Variants in VPS26B observed in about 807,000 individuals in gnomAD.
VPS26B encodes vacuolar protein sorting-associated protein 26B.
VPS26B carries 10 observed loss-of-function variants against 33.3 expected under a neutral mutation model. That is an observed-to-expected ratio of 0.30 (90% confidence interval 0.19 to 0.51). The LOEUF is 0.51. VPS26B is among the 20% of genes least tolerant of loss of function. The probability of loss-of-function intolerance (pLI) is 0.98; values close to 1 mark genes in which losing one functional copy is unlikely to be tolerated. For synonymous variants in VPS26B, 190 were observed against 176.9 expected, an observed-to-expected ratio of 1.07 and a Z score of -0.59; for missense variants, 317 against 452.7, an observed-to-expected ratio of 0.70 and a Z score of 2.72.
chr11:134,233,644 G>A (rs1404261931), intron 1 of VPS26B, among the ~76,000 whole-genome samples: 1 of 152,200 alleles, frequency 6.6e-6, no homozygotes, highest in Non-Finnish European at 1.5e-5. Context: ...AGAATTGCTT[G>A]AACCCAGGAG....
intron 1 of VPS26B, among the ~76,000 whole-genome samples, chr11:134,233,836 G>A (rs890031141): frequency 2.0e-5 from 3 of 152,188 alleles, no homozygotes; most frequent in African/African-American, 7.2e-5. Context: ...GTGGGAGCGG[G>A]GGAGACCAGG....
At position 134,245,335 on chromosome 11, in the gene VPS26B, A is replaced by G; in HGVS notation, c.865-109A>G. The G allele has an allele frequency of 1.3e-6, 2 of 1,497,042 alleles. No homozygotes were observed. Among genetic ancestry groups the G allele is most frequent in the Non-Finnish European group, 1.8e-6 (2 of 1,100,502 alleles). 92.7% of individuals were successfully genotyped at this position (1,497,042 alleles called of 1,614,324 possible). A position where few individuals can be genotyped will look rare whatever the true frequency, so the allele number is the denominator to read the frequency against. ...CTGCTGCCTTTGGTGAGAGAGAAGCAGAGGAGGTCCTTGCCCGAGATTCCC... is the reference window on the plus strand; with the variant it reads ...CTGCTGCCTTTGGTGAGAGAGAAGCGGAGGAGGTCCTTGCCCGAGATTCCC... On this transcript the variant is annotated intron_variant, in intron 5 of 5. Coordinates refer to ENST00000281187, the MANE Select transcript of VPS26B (RefSeq NM_052875.5). This position sits in a 1 kb window ranked among gnomAD's most constrained non-coding sequence, Gnocchi z 4.7.
chr11:134,245,151 T>G lies in VPS26B; in HGVS notation c.864+71T>G. 1 of 1,563,058 alleles carries G rather than the reference T, an allele frequency of 6.4e-7. No homozygotes were observed. Among genetic ancestry groups the G allele is most frequent in the Non-Finnish European group, 8.6e-7 (1 of 1,158,744 alleles). ...AGGAGGCTCTCTTTCCTATGGAAGG[T>G]CAGACTCCATTTTTGCCAAGAGGTG... On this transcript the variant is annotated intron_variant, in intron 5 of 5. Transcript: ENST00000281187. This position sits in a 1 kb window ranked among gnomAD's most constrained non-coding sequence, Gnocchi z 4.7.
At position 134,245,781 on chromosome 11, in the gene VPS26B, C is replaced by T; in HGVS notation, c.*191C>T. The T allele has an allele frequency of 2.7e-6, 2 of 744,348 alleles. No homozygotes were observed. The highest frequency in any genetic ancestry group is 4.2e-6 in the Non-Finnish European group (2 of 475,300). 46.1% of individuals were successfully genotyped at this position (744,348 alleles called of 1,614,324 possible). ...GGGCTTGGGGTGGGAAGCAGTCTCT[C>T]CTTGGGATTCTGCGGCCGATGTGGG... On this transcript the variant is annotated 3_prime_UTR_variant, in exon 6 of 6. Transcript: ENST00000281187. This position sits in a 1 kb window ranked among gnomAD's most constrained non-coding sequence, Gnocchi z 4.7.
At chr11:134,237,595 AAGGG>A (rs1241604110) in intron 2 of VPS26B, among the ~76,000 whole-genome samples, 1 of 152,164 alleles carries the variant, frequency 6.6e-6, no homozygotes, top group Non-Finnish European at 1.5e-5. Flanking sequence ...TTTTTGAAGA[AAGGG>A]AGCACAAGGA....
chr11:134,238,018 T>G (rs1457571105), intron 2 of VPS26B, among the ~76,000 whole-genome samples: 1 of 152,138 alleles, frequency 6.6e-6, no homozygotes, highest in Admixed American at 6.5e-5. Flanking sequence ...AGAGGGAGAT[T>G]GATGATCTTG....
rs575766371 is a variant in VPS26B at position 134,245,530 on chromosome 11, C to T, written c.951C>T (p.Thr317=). ...AAIASQRFEG[T]TSLGEVRTPS... Reference sequence around the variant, plus strand: ...TCGCCTCACAGCGCTTTGAGGGCACCACCTCCCTGGGTGAGGTGCGGACCC... The same window carrying T: ...TCGCCTCACAGCGCTTTGAGGGCACTACCTCCCTGGGTGAGGTGCGGACCC... Residue 317 remains threonine, a synonymous_variant, in exon 6 of 6, where the codon ACC becomes ACT. Transcript: ENST00000281187. The surrounding 1 kb of genome is among the most constrained non-coding windows in gnomAD (Gnocchi z 4.7). 6.2e-7 allele frequency: 1 copy of T among 1,613,912 alleles called. No homozygotes were observed. Among genetic ancestry groups the T allele is most frequent in the African/African-American group, 1.3e-5 (1 of 75,052 alleles).
chr11:134,236,158 A>T (rs12800423), intron 2 of VPS26B, among the ~76,000 whole-genome samples: 22,576 of 149,222 alleles, frequency 0.15, 1,921 homozygotes, highest in African/African-American at 0.24. Flanking sequence ...AAAAAAAAAA[A>T]TTTTTTTAAT....
chr11:134,239,882 G>T, intron 2 of VPS26B, 109 bp from the exon 3 acceptor site: 3 of 1,258,010 alleles, frequency 2.4e-6, no homozygotes, highest in Non-Finnish European at 3.4e-6. Context: ...GCCCTCAAGG[G>T]TTAAGAACCT....
rs929535768 is a variant in VPS26B, at chr11:134,245,424, C to G, written c.865-20C>G. ...TGCCTCCCTCTAAGGTGTCACATTG[C>G]CCCCCTTTCAATTCTGCAGGAAGTG... is the stretch of plus-strand genomic sequence containing the variant. On this transcript the variant is annotated intron_variant, in intron 5 of 5. Coordinates refer to ENST00000281187, the MANE Select transcript of VPS26B (RefSeq NM_052875.5). This position sits in a 1 kb window ranked among gnomAD's most constrained non-coding sequence, Gnocchi z 4.7. 4 of 1,613,668 alleles carry G rather than the reference C, an allele frequency of 2.5e-6. No homozygotes were observed. Among genetic ancestry groups the G allele is most frequent in the Non-Finnish European group, 1.7e-6 (2 of 1,179,664 alleles).
chr11:134,234,795 C>A lies in VPS26B; in HGVS notation c.224-102C>A, dbSNP rs140699512. On this transcript the variant is annotated intron_variant, in intron 1 of 5. Transcript: ENST00000281187. ...GGGTCTGTTCTGCAGGGAGGTCCTT[C>A]CAGAAAGCAGTCCCTCCAGCCTACA... 131 of 1,451,622 alleles carry A rather than the reference C, an allele frequency of 9.0e-5. 1 individual carries two copies. In the East Asian group the frequency reaches 2.9e-3, roughly 33 times the overall value. 89.9% of individuals were successfully genotyped at this position (1,451,622 alleles called of 1,614,324 possible). A position where few individuals can be genotyped will look rare whatever the true frequency, so the allele number is the denominator to read the frequency against.
At chr11:134,243,019 G>A (rs1025164551) in intron 3 of VPS26B, 100 bp from the exon 4 acceptor site, 219 of 1,229,032 alleles carry the variant, frequency 1.8e-4, no homozygotes, top group Non-Finnish European at 2.3e-4. Flanking sequence ...GCAACTGGAC[G>A]TTTAACCAGC....
At chr11:134,236,016 C>T (rs1938627025) in intron 2 of VPS26B, among the ~76,000 whole-genome samples, 1 of 152,146 alleles carries the variant, frequency 6.6e-6, no homozygotes, top group Non-Finnish European at 1.5e-5. Flanking sequence ...TCTCTGTCCT[C>T]CCTTCTTCCA....
At chr11:134,237,836 G>A (rs1938655789) in intron 2 of VPS26B, among the ~76,000 whole-genome samples, 1 of 152,196 alleles carries the variant, frequency 6.6e-6, no homozygotes, top group Non-Finnish European at 1.5e-5. Flanking sequence ...GGGAGGAGTG[G>A]TTCGTGGAGA....
Position 134,245,411 on chromosome 11 carries a change from A to C in VPS26B, c.865-33A>C. On this transcript the variant is annotated intron_variant, in intron 5 of 5. Coordinates refer to ENST00000281187, the MANE Select transcript of VPS26B (RefSeq NM_052875.5). This position sits in a 1 kb window ranked among gnomAD's most constrained non-coding sequence, Gnocchi z 4.7. ...AAACCTGTCCCCATGCCTCCCTCTA[A>C]GGTGTCACATTGCCCCCCTTTCAAT... 6.2e-7 allele frequency: 1 copy of C among 1,613,142 alleles called. No individual in the cohort carries two copies. Among genetic ancestry groups the C allele is most frequent in the Non-Finnish European group, 8.5e-7 (1 of 1,179,252 alleles).
rs1261209883 is a variant in VPS26B, at chr11:134,225,075, G to A, written c.-48G>A. 2 of 1,531,718 alleles carry A rather than the reference G, an allele frequency of 1.3e-6. No individual in the cohort carries two copies. The highest frequency in any genetic ancestry group is 1.2e-5 in the South Asian group (1 of 83,708). 94.9% of individuals were successfully genotyped at this position (1,531,718 alleles called of 1,614,324 possible). A position where few individuals can be genotyped will look rare whatever the true frequency, so the allele number is the denominator to read the frequency against. ...CTTTACCTAGGGCAGCCCGCGCCCC[G>A]GTGCGAGGGAGCGGTCCTTACCGAG... On this transcript the variant is annotated 5_prime_UTR_variant, in exon 1 of 6. Transcript: ENST00000281187.
rs980112811 is a variant in VPS26B, at chr11:134,240,275, G to C, written c.545+120G>C. ...ACTGCTTTGTGGTGGCATGCGGTGGGGGAAGACCGTGGGAGCAATCCAGTG... is the reference window on the plus strand; with the variant it reads ...ACTGCTTTGTGGTGGCATGCGGTGGCGGAAGACCGTGGGAGCAATCCAGTG... On this transcript the variant is annotated intron_variant, in intron 3 of 5. Transcript: ENST00000281187. The surrounding 1 kb of genome is among the most constrained non-coding windows in gnomAD (Gnocchi z 4.4). The C allele has an allele frequency of 3.2e-5, 38 of 1,191,794 alleles. No homozygotes were observed. In the African/African-American group the frequency reaches 5.6e-4, roughly 17 times the overall value. The allele number at this position is 1,191,794 out of a possible 1,614,324, so 73.8% of individuals were successfully genotyped here. A position where few individuals can be genotyped will look rare whatever the true frequency, so the allele number is the denominator to read the frequency against.
chr11:134,233,701 G>T (rs1352055943), intron 1 of VPS26B, among the ~76,000 whole-genome samples: 3 of 151,402 alleles, frequency 2.0e-5, no homozygotes, highest in African/African-American at 4.8e-5. Context: ...CTCCAGCCTG[G>T]GCGACAGAGC....
chr11:134,236,486 G>A (rs988955471), intron 2 of VPS26B: 4 of 152,106 alleles, frequency 2.6e-5, no homozygotes, highest in African/African-American at 9.7e-5. Context: ...TGGAAAACAG[G>A]ATCTCGAACG....
Sources: allele counts gnomAD v4.1 joint callset (sites outside exome capture counted in the v4.1 genomes callset), GRCh38; gene constraint gnomAD v4.1.1; non-coding constraint Gnocchi (gnomAD v3.1); transcripts MANE v1.5; gene names NCBI Gene and HGNC (gene_info 2026-07-23, HGNC 2026-07-21).